Variants in GPR158 observed in about 807,000 individuals in gnomAD.
GPR158 encodes metabotropic glycine receptor.
GPR158 carries 30 observed loss-of-function variants against 78.2 expected under a neutral mutation model. The ratio of observed to expected loss-of-function variants is 0.38; its 90% CI spans 0.29 to 0.52. The LOEUF (loss-of-function observed/expected upper bound fraction) is 0.52. GPR158 is among the 20% of genes least tolerant of loss of function. The pLI, the probability that GPR158 is intolerant of heterozygous loss-of-function variation, is 0.83. For missense variants in GPR158, 1,463 were observed against 1,523.5 expected (o/e 0.96, Z 0.66); for synonymous variants, 581 against 591.1 (o/e 0.98, Z 0.25).
chr10:25,504,048 G>A (rs1483625263), intron 5 of GPR158, among the ~76,000 whole-genome samples: 1 of 151,848 alleles, frequency 6.6e-6, no homozygotes, highest in East Asian at 1.9e-4. Flanking sequence ...CTGCCACCAT[G>A]CCCAGCTAAT....
Position 25,598,811 on chromosome 10 carries a change from A to C in GPR158, c.3185A>C (p.Asn1062Thr). 1 of 1,614,100 alleles carries C rather than the reference A, an allele frequency of 6.2e-7. No homozygotes were observed. The highest frequency in any genetic ancestry group is 8.5e-7 in the Non-Finnish European group (1 of 1,179,998). The change falls in exon 11 of 11, where the codon AAT becomes ACT. Residue 1062 changes from asparagine to threonine, a missense_variant. By Grantham distance (65) the Asn-to-Thr change is moderately conservative (BLOSUM62 0). Transcript: ENST00000376351. ...PKAAEVCQQS[N>T]QKRIDKAEVC... ...GCAGCTGAGGTTTGTCAGCAATCCA[A>C]TCAGAAGCGCATAGATAAGGCTGAA...
In GPR158 at chr10:25,261,207, G is replaced by A. The variant is rs572348183; in HGVS notation, c.1008+40050G>A. ...CACAGGATTCCATTTTGCAGCTAAG[G>A]TTAAGAACAACTGCTTAAATTCTAG... On this transcript the variant is annotated intron_variant, in intron 2 of 10. Coordinates refer to ENST00000376351, the MANE Select transcript of GPR158 (RefSeq NM_020752.3). Among the ~76,000 whole-genome samples the A allele has an allele frequency of 6.4e-4, 98 of 152,228 alleles. 2 individuals carry two copies. The highest frequency in any genetic ancestry group is 2.3e-3 in the African/African-American group (95 of 41,566).
intron 2 of GPR158, among the ~76,000 whole-genome samples, chr10:25,227,535 A>G (rs1393347242): frequency 1.3e-5 from 2 of 152,192 alleles, no homozygotes; most frequent in Non-Finnish European, 2.9e-5. Context: ...CTCTTTGAGG[A>G]CAGTTTACAA....
intron 2 of GPR158, among the ~76,000 whole-genome samples, chr10:25,314,841 G>GTCATATATATA (rs1564419457): frequency 8.7e-6 from 1 of 114,888 alleles, no homozygotes; most frequent in African/African-American, 3.8e-5. Flanking sequence ...ACATATACAC[G>GTCATATATATA]TATATACATA....
At chr10:25,420,227 G>T (rs1834730343) in intron 4 of GPR158, among the ~76,000 whole-genome samples, 1 of 152,080 alleles carries the variant, frequency 6.6e-6, no homozygotes, top group Admixed American at 6.5e-5. Flanking sequence ...ATAGCTCACT[G>T]CAGCCTCAAA....
intron 2 of GPR158, among the ~76,000 whole-genome samples, chr10:25,295,308 G>A (rs1854495985): frequency 6.6e-6 from 1 of 152,184 alleles, no homozygotes; most frequent in Admixed American, 6.5e-5. Flanking sequence ...AGCTCTACAT[G>A]TATGCTTGCA....
At chr10:25,317,358 T>A (rs1854869524) in intron 2 of GPR158, among the ~76,000 whole-genome samples, 1 of 152,162 alleles carries the variant, frequency 6.6e-6, no homozygotes, top group Admixed American at 6.5e-5. Flanking sequence ...TGTGGTTTTT[T>A]AAATGTCTTT....
intron 6 of GPR158, among the ~76,000 whole-genome samples, chr10:25,557,956 T>A (rs888048780): frequency 3.3e-5 from 5 of 152,258 alleles, no homozygotes; most frequent in Non-Finnish European, 4.4e-5. Context: ...CATCTGCAGA[T>A]GTCCTACTTG....
At chr10:25,384,400 A>G (rs1317052766) in intron 2 of GPR158, among the ~76,000 whole-genome samples, 1 of 152,146 alleles carries the variant, frequency 6.6e-6, no homozygotes, top group Non-Finnish European at 1.5e-5. Context: ...TTCAGTACCT[A>G]TTGTTCAGCG....
At chr10:25,251,990 T>C (rs1853808500) in intron 2 of GPR158, among the ~76,000 whole-genome samples, 1 of 151,862 alleles carries the variant, frequency 6.6e-6, no homozygotes. Flanking sequence ...TAGTCCCATA[T>C]TTCTTGGAGG....
intron 1 of GPR158, among the ~76,000 whole-genome samples, chr10:25,198,738 C>T (rs1368466037): frequency 6.6e-6 from 1 of 152,030 alleles, no homozygotes; most frequent in Non-Finnish European, 1.5e-5. Context: ...CAATGGGTTA[C>T]CATACAGCAA....
chr10:25,451,174 A>T (rs1564459136), intron 4 of GPR158, among the ~76,000 whole-genome samples: 1 of 152,194 alleles, frequency 6.6e-6, no homozygotes, highest in Non-Finnish European at 1.5e-5. Context: ...TAGTGCTTTA[A>T]GATAAGCCCC....
intron 1 of GPR158, among the ~76,000 whole-genome samples, chr10:25,205,015 T>C (rs2491197): frequency 0.15 from 23,433 of 151,924 alleles, 2,457 homozygotes; most frequent in East Asian, 0.29. Flanking sequence ...TGAATAAGTC[T>C]CATGAGACCT....
At chr10:25,566,381 G>A (rs1836929066) in intron 6 of GPR158, among the ~76,000 whole-genome samples, 1 of 152,100 alleles carries the variant, frequency 6.6e-6, no homozygotes, top group African/African-American at 2.4e-5. Flanking sequence ...CCTGATGCAG[G>A]AAATGAGTGA....
intron 6 of GPR158, among the ~76,000 whole-genome samples, chr10:25,553,250 C>T (rs1334884990): frequency 2.0e-5 from 3 of 152,072 alleles, no homozygotes; most frequent in African/African-American, 7.2e-5. Context: ...CAAATGATTG[C>T]AATTTGGGAA....
chr10:25,414,729 C>A (rs114479829), intron 4 of GPR158, among the ~76,000 whole-genome samples: 1 of 152,082 alleles, frequency 6.6e-6, no homozygotes. Flanking sequence ...TCTTTTGTAG[C>A]AATATTGACA....
intron 2 of GPR158, among the ~76,000 whole-genome samples, chr10:25,369,007 C>A (rs1490437520): frequency 6.6e-6 from 1 of 150,534 alleles, no homozygotes; most frequent in Admixed American, 6.6e-5. Flanking sequence ...TTGTGATTTT[C>A]GTACATTGAT....
At chr10:25,307,377 CTTT>C (rs561085223) in intron 2 of GPR158, among the ~76,000 whole-genome samples, 2 of 114,386 alleles carry the variant, frequency 1.7e-5, no homozygotes, top group East Asian at 3.4e-4. Flanking sequence ...ATTTTAATTG[CTTT>C]TTTTTTTTTT....
chr10:25,338,530 GTA>G (rs1855255599), intron 2 of GPR158, among the ~76,000 whole-genome samples: 11 of 74,852 alleles, frequency 1.5e-4, no homozygotes, highest in South Asian at 4.4e-4. Flanking sequence ...CGTATATTAC[GTA>G]TATTATATAT....
Sources: gnomAD v4.1 joint callset for allele counts (sites outside exome capture counted in the v4.1 genomes callset) on GRCh38, gnomAD v4.1.1 for gene constraint, MANE v1.5 for transcripts, NCBI Gene and HGNC (gene_info 2026-07-23, HGNC 2026-07-21) for gene names.